The following MECOM variants were observed in gnomAD, a reference collection of about 807,000 sequenced individuals.
MECOM encodes the protein histone-lysine N-methyltransferase MECOM.
In MECOM, 13 loss-of-function variants were observed where a neutral mutation model predicts 116.3. The observed-to-expected ratio is 0.11, with a 90% CI of 0.07 to 0.18. MECOM has a LOEUF of 0.18. Among genes scored for constraint, MECOM ranks in the 10% least tolerant of loss-of-function variants. The pLI is 1.00. For synonymous variants in MECOM, 528 were observed against 535.2 expected (o/e 0.99, Z 0.19); for missense variants, 1,299 against 1,509.0 (o/e 0.86, Z 2.31).
chr3:169,306,905 A>T (rs1344514012), intron 2 of MECOM, among the ~76,000 whole-genome samples: 1 of 152,140 alleles, frequency 6.6e-6, no homozygotes, highest in East Asian at 1.9e-4. Context: ...ACAGCTTTAA[A>T]TATCATATGG....
intron 2 of MECOM, among the ~76,000 whole-genome samples, chr3:169,245,832 C>T (rs1025674766): frequency 2.4e-4 from 36 of 152,090 alleles, no homozygotes; most frequent in African/African-American, 8.2e-4. Context: ...ATAAAAAAGT[C>T]GCTATTCATT....
At chr3:169,439,833 G>GT (rs1197978013) in intron 1 of MECOM, among the ~76,000 whole-genome samples, 1 of 152,042 alleles carries the variant, frequency 6.6e-6, no homozygotes, top group Non-Finnish European at 1.5e-5. Context: ...ATAAACGGTG[G>GT]TATAGTCACA....
chr3:169,502,308 G>T (rs75466822), intron 1 of MECOM, among the ~76,000 whole-genome samples: 32,341 of 151,812 alleles, frequency 0.21, 4,172 homozygotes, highest in Non-Finnish European at 0.29. Context: ...ATATTTAGAG[G>T]TTTTCATTTC....
intron 1 of MECOM, among the ~76,000 whole-genome samples, chr3:169,600,497 C>T (rs974294045): frequency 6.6e-6 from 1 of 152,108 alleles, no homozygotes; most frequent in Non-Finnish European, 1.5e-5. Flanking sequence ...TGCTAAGTAT[C>T]ATTTAGATGT....
chr3:169,152,808 T>C (rs1350597070), intron 2 of MECOM, among the ~76,000 whole-genome samples: 1 of 152,216 alleles, frequency 6.6e-6, no homozygotes, highest in African/African-American at 2.4e-5. Context: ...ATCACCTAGC[T>C]GATCTTTCTC....
At position 169,115,537 on chromosome 3, in the gene MECOM, T is replaced by A. The variant is rs747839563; in HGVS notation, c.2335A>T (p.Ser779Cys). The A allele has an allele frequency of 5.0e-6, 8 of 1,614,040 alleles. No individual in the cohort carries two copies. The Admixed American group carries it at 1.3e-4, about 27-fold the overall frequency. ...QDQPLDLSMG[S>C]RSRASGTKLT... Reference sequence around the variant, plus strand: ...TTTGTCCCACTGGCTCTACTCCTACTGCCCATACTTAGATCCAGGGGCTGG... The same window carrying A: ...TTTGTCCCACTGGCTCTACTCCTACAGCCCATACTTAGATCCAGGGGCTGG... The change falls in exon 8 of 17, where the codon AGT (serine) becomes TGT (cysteine). Residue 779 changes from serine to cysteine, a missense_variant. This residue lies in a region of MECOM where 340 missense variants were observed against 312.6 expected (regional missense o/e 1.09). Transcript: ENST00000651503.
At chr3:169,095,806 T>C (rs749511451) in intron 12 of MECOM, among the ~76,000 whole-genome samples, 2 of 152,166 alleles carry the variant, frequency 1.3e-5, no homozygotes, top group South Asian at 2.1e-4. Context: ...AAGAATCAGC[T>C]ACCACAAAGC....
chr3:169,535,003 G>T (rs1483696145), intron 1 of MECOM, among the ~76,000 whole-genome samples: 1 of 152,204 alleles, frequency 6.6e-6, no homozygotes, highest in African/African-American at 2.4e-5. Flanking sequence ...TTTCACTCAA[G>T]GAGGAACAGG....
intron 2 of MECOM, among the ~76,000 whole-genome samples, chr3:169,318,228 A>G (rs1254258293): frequency 6.6e-6 from 1 of 152,234 alleles, no homozygotes; most frequent in African/African-American, 2.4e-5. Flanking sequence ...CTTCATGACT[A>G]AAACACCAAA....
chr3:169,394,960 T>C (rs1023186630), intron 1 of MECOM, among the ~76,000 whole-genome samples: 29 of 152,358 alleles, frequency 1.9e-4, no homozygotes, highest in Admixed American at 1.6e-3. Context: ...AAAAACCAGC[T>C]GAGCCAATTT....
At chr3:169,257,939 A>T (rs765506688) in intron 2 of MECOM, among the ~76,000 whole-genome samples, 56 of 152,232 alleles carry the variant, frequency 3.7e-4, no homozygotes, top group Non-Finnish European at 6.0e-4. Flanking sequence ...AAGAAAAAGT[A>T]GCCGGGCATG....
At chr3:169,335,216 C>G (rs1191871064) in intron 2 of MECOM, among the ~76,000 whole-genome samples, 2 of 152,090 alleles carry the variant, frequency 1.3e-5, no homozygotes, top group Non-Finnish European at 2.9e-5. Context: ...TCAGACAAGC[C>G]ATATGAAAAC....
intron 2 of MECOM, among the ~76,000 whole-genome samples, chr3:169,149,076 T>C (rs1740662365): frequency 6.9e-6 from 1 of 144,178 alleles, no homozygotes; most frequent in African/African-American, 2.7e-5. Context: ...GTCGGAGCTT[T>C]CTTTTTTTTT....
chr3:169,520,451 C>T lies in MECOM; in HGVS notation c.38-138927G>A, dbSNP rs188979948. On this transcript the variant is annotated intron_variant, in intron 1 of 16. Transcript: ENST00000651503. ...GTTCCGCCATTTTCTTGAGCCACAT[C>T]CTCTCTAAGCTCCAATGTCCTCACA... Among the ~76,000 whole-genome samples, 403 of 152,254 alleles carry T rather than the reference C, an allele frequency of 2.6e-3. 7 individuals carry two copies. The highest frequency in any genetic ancestry group is 9.3e-3 in the African/African-American group (388 of 41,544).
At chr3:169,600,003 G>A (rs151312146) in intron 1 of MECOM, among the ~76,000 whole-genome samples, 6 of 151,742 alleles carry the variant, frequency 4.0e-5, no homozygotes, top group African/African-American at 1.2e-4. Context: ...ACAGGGCCTC[G>A]CTCTGTCCCC....
chr3:169,093,619 A>G (rs1052179642), intron 13 of MECOM, among the ~76,000 whole-genome samples: 1 of 152,120 alleles, frequency 6.6e-6, no homozygotes, highest in Non-Finnish European at 1.5e-5. Flanking sequence ...GACTCAGAAC[A>G]CTCCAGTCCA....
rs190689186 is a variant in MECOM, at chr3:169,298,370, T to C, written c.375+82817A>G. Among the ~76,000 whole-genome samples the C allele has an allele frequency of 3.4e-3, 511 of 152,080 alleles. 1 individual carries two copies. The highest frequency in any genetic ancestry group is 0.017 in the Middle Eastern group (5 of 288). ...TAAATGTTATATATTAAATGAGATA[T>C]GTATATTAAATGTTATCAATATGAA... is the stretch of plus-strand genomic sequence containing the variant. On this transcript the variant is annotated intron_variant, in intron 2 of 16. Transcript: ENST00000651503.
intron 1 of MECOM, among the ~76,000 whole-genome samples, chr3:169,440,878 T>C (rs1454544008): frequency 2.0e-5 from 3 of 152,104 alleles, no homozygotes; most frequent in Non-Finnish European, 4.4e-5. Flanking sequence ...GAAGAGATAT[T>C]CATGTTGGGT....
intron 2 of MECOM, among the ~76,000 whole-genome samples, chr3:169,287,778 T>G (rs1311026814): frequency 6.6e-6 from 1 of 152,110 alleles, no homozygotes; most frequent in Non-Finnish European, 1.5e-5. Flanking sequence ...AGCAAGAACA[T>G]ATTAGAGATA....
Sources: gnomAD v4.1 joint callset for allele counts (sites outside exome capture counted in the v4.1 genomes callset) on GRCh38, gnomAD v4.1.1 for gene constraint, gnomAD v4.1.1 regional missense constraint, MANE v1.5 for transcripts, NCBI Gene and HGNC (gene_info 2026-07-23, HGNC 2026-07-21) for gene names.